SERAC1: variants seen among roughly 807,000 people sequenced by gnomAD.
SERAC1 encodes serine active site containing 1.
In SERAC1, 36 loss-of-function variants were observed where a neutral mutation model predicts 85.7. The ratio of observed to expected loss-of-function variants is 0.42; its 90% CI spans 0.32 to 0.55. SERAC1 has a LOEUF of 0.55. SERAC1 is among the 20% of genes least tolerant of loss of function. The pLI is 0.11. For missense variants in SERAC1, 629 were observed against 796.2 expected, an observed-to-expected ratio of 0.79 and a Z score of 2.53; for synonymous variants, 242 against 265.3, an observed-to-expected ratio of 0.91 and a Z score of 0.85.
In SERAC1 at chr6:158,116,302, C is replaced by G. The variant is rs1237642780; in HGVS notation, c.1404-20G>C. The G allele has an allele frequency of 6.3e-7, 1 of 1,592,154 alleles. No individual in the cohort carries two copies. The highest frequency in any genetic ancestry group is 8.6e-7 in the Non-Finnish European group (1 of 1,160,410). Reference sequence around the variant, plus strand: ...GACTTTCTGAACAAAACAAAAACAGCAGGCATGACACAAGGCTATCGATCC... The same window carrying G: ...GACTTTCTGAACAAAACAAAAACAGGAGGCATGACACAAGGCTATCGATCC... On this transcript the variant is annotated intron_variant, in intron 13 of 16. Coordinates refer to ENST00000647468, the MANE Select transcript of SERAC1 (RefSeq NM_032861.4).
In SERAC1 at chr6:158,111,222, A is replaced by G; in HGVS notation, c.*144T>C. On this transcript the variant is annotated 3_prime_UTR_variant, in exon 17 of 17. Coordinates refer to ENST00000647468, the MANE Select transcript of SERAC1 (RefSeq NM_032861.4). ...CTTTACAGCGCTTGAAGGGAGAACA[A>G]TGTTCTGTAGTCTGCAACACACTCC... The G allele has an allele frequency of 4.0e-6, 3 of 742,546 alleles. No individual in the cohort carries two copies. Among genetic ancestry groups the G allele is most frequent in the South Asian group, 5.1e-5 (2 of 39,152 alleles). The allele number at this position is 742,546 out of a possible 1,614,324, so 46.0% of individuals were successfully genotyped here.
At position 158,150,746 on chromosome 6, in the gene SERAC1, T is replaced by C. The variant is rs73794523; in HGVS notation, c.129-157A>G. On this transcript the variant is annotated intron_variant, in intron 3 of 16. Coordinates refer to ENST00000647468, the MANE Select transcript of SERAC1 (RefSeq NM_032861.4). Reference sequence around the variant, plus strand: ...CATATAACATTTATACAGTCATGTATCACATACTGACTTTTTGTTCAAGGA... The same window carrying C: ...CATATAACATTTATACAGTCATGTACCACATACTGACTTTTTGTTCAAGGA... Among the ~76,000 whole-genome samples, 5,283 of 152,294 alleles carry C rather than the reference T, an allele frequency of 0.035. 295 individuals are homozygous for C. Among genetic ancestry groups the C allele is most frequent in the African/African-American group, 0.12 (4,984 of 41,542 alleles).
Position 158,146,815 on chromosome 6 carries a change from C to A in SERAC1, c.454G>T (p.Val152Leu). ...TGATGGGTCTCCGACATTTCCCGCACAGCCTCGAGTCGCGTGGTTTTGTCA... is the reference window on the plus strand; with the variant it reads ...TGATGGGTCTCCGACATTTCCCGCAAAGCCTCGAGTCGCGTGGTTTTGTCA... ...SDDKTTRLEA[V>L]REMSETHHWH... The change falls in exon 6 of 17, where the codon GTG becomes TTG. Residue 152 changes from valine (V) to leucine (L), a missense_variant. Coordinates refer to ENST00000647468, the MANE Select transcript of SERAC1 (RefSeq NM_032861.4). 6.2e-7 allele frequency: 1 copy of A among 1,613,992 alleles called. No homozygotes were observed. The highest frequency in any genetic ancestry group is 8.5e-7 in the Non-Finnish European group (1 of 1,179,932).
chr6:158,140,611 A>C (rs1324816808), intron 8 of SERAC1, among the ~76,000 whole-genome samples: 1 of 152,198 alleles, frequency 6.6e-6, no homozygotes, highest in Admixed American at 6.5e-5. Context: ...TAAATTAATC[A>C]AACCCAAGGT....
Position 158,114,243 on chromosome 6 carries a change from A to G in SERAC1, c.1684+546T>C, listed in dbSNP as rs549500593. Among the ~76,000 whole-genome samples, 15 of 152,358 alleles carry G rather than the reference A, an allele frequency of 9.8e-5. No homozygotes were observed. In the South Asian group the frequency reaches 1.4e-3, roughly 15 times the overall value. On this transcript the variant is annotated intron_variant, in intron 15 of 16. Transcript: ENST00000647468. ...AAACACAATCTGACTCCACGAAAGG[A>G]AAGTCCAACAGAAGGTTTAGAAGAA...
At chr6:158,122,381 T>A (rs992156990) in intron 10 of SERAC1, among the ~76,000 whole-genome samples, 1 of 152,220 alleles carries the variant, frequency 6.6e-6, no homozygotes, top group Non-Finnish European at 1.5e-5. Flanking sequence ...AAGTCTTGCT[T>A]TAGTACTCCC....
At chr6:158,126,954 G>A (rs1344443081) in intron 10 of SERAC1, among the ~76,000 whole-genome samples, 1 of 152,010 alleles carries the variant, frequency 6.6e-6, no homozygotes, top group South Asian at 2.1e-4. Flanking sequence ...TCGGGAGGCT[G>A]AGGTGGGAGG....
intron 1 of SERAC1, chr6:158,159,261 T>C (rs760597834): frequency 2.6e-5 from 4 of 152,030 alleles, no homozygotes; most frequent in Non-Finnish European, 5.9e-5. Context: ...CCCAGCACAT[T>C]GGGAGGCTGA....
chr6:158,115,711 C>A (rs1784271291), intron 14 of SERAC1, among the ~76,000 whole-genome samples: 1 of 152,172 alleles, frequency 6.6e-6, no homozygotes, highest in Non-Finnish European at 1.5e-5. Context: ...CAAGAACAGA[C>A]ACTTGATCAC....
chr6:158,124,519 A>G (rs911520606), intron 10 of SERAC1, among the ~76,000 whole-genome samples: 3 of 152,152 alleles, frequency 2.0e-5, no homozygotes, highest in Non-Finnish European at 1.5e-5. Context: ...ACAAAAAATG[A>G]TATGTATAAG....
At chr6:158,148,493 A>C (rs1785124174) in intron 5 of SERAC1, among the ~76,000 whole-genome samples, 2 of 152,092 alleles carry the variant, frequency 1.3e-5, no homozygotes, top group African/African-American at 2.4e-5. Context: ...CCCAGGCTGG[A>C]GTGCAGTGGC....
chr6:158,146,950 TTAAGA>T (rs772743046), intron 5 of SERAC1, 37 bp from the exon 6 acceptor site: 17 of 1,602,006 alleles, frequency 1.1e-5, no homozygotes, highest in East Asian at 4.5e-5. Context: ...ATGTGAAAAG[TTAAGA>T]TAATACTTTT....
intron 1 of SERAC1, chr6:158,159,051 C>A (rs1439239347): frequency 6.6e-6 from 1 of 151,384 alleles, no homozygotes; most frequent in Non-Finnish European, 1.5e-5. Flanking sequence ...TTTTCTTTTT[C>A]CTTTTGCTAT....
intron 10 of SERAC1, among the ~76,000 whole-genome samples, chr6:158,124,548 C>A (rs1784492078): frequency 6.6e-6 from 1 of 152,020 alleles, no homozygotes; most frequent in African/African-American, 2.4e-5. Context: ...TATGTTAATT[C>A]TCTCAGTTCA....
chr6:158,156,179 A>G (rs1009311480), intron 2 of SERAC1, among the ~76,000 whole-genome samples: 1 of 152,192 alleles, frequency 6.6e-6, no homozygotes, highest in Non-Finnish European at 1.5e-5. Context: ...AATACAGATT[A>G]TATTCTACAA....
rs1562435423 is a variant in SERAC1 at position 158,119,936 on chromosome 6, G to C, written c.1166+489C>G. Among the ~76,000 whole-genome samples, 1 of 152,170 alleles carries C rather than the reference G, an allele frequency of 6.6e-6. No individual in the cohort carries two copies. The highest frequency in any genetic ancestry group is 1.5e-5 in the Non-Finnish European group (1 of 68,026). On this transcript the variant is annotated intron_variant, in intron 11 of 16. Transcript: ENST00000647468. The surrounding 1 kb of genome is among the most constrained non-coding windows in gnomAD (Gnocchi z 4.5). ...CACAAATAACCTTAAGAAGGGGCAT[G>C]AGTCAAACTTATTACAACTTATTCT...
rs765083651 is a variant in SERAC1 at position 158,120,480 on chromosome 6, C to G, written c.1111G>C (p.Val371Leu). ...ACGCCATCCTGATATTTTTCTTGCA[C>G]AGTTTCTCGGTCTAGATTTGCCAGG... Reference protein sequence around the residue: ...RILANLDRETVQEKYQDGVYV... With the variant: ...RILANLDRETLQEKYQDGVYV... The change falls in exon 11 of 17, where the codon GTG becomes CTG. Residue 371 changes from valine to leucine, a missense_variant. Coordinates refer to ENST00000647468, the MANE Select transcript of SERAC1 (RefSeq NM_032861.4). This position sits in a 1 kb window ranked among gnomAD's most constrained non-coding sequence, Gnocchi z 4.4. The G allele has an allele frequency of 5.0e-6, 8 of 1,614,024 alleles. No homozygotes were observed. Among genetic ancestry groups the G allele is most frequent in the Non-Finnish European group, 6.8e-6 (8 of 1,179,974 alleles).
intron 6 of SERAC1, 124 bp downstream of exon 6, chr6:158,146,658 G>C (rs769725958): frequency 9.1e-5 from 107 of 1,173,004 alleles, no homozygotes; most frequent in Non-Finnish European, 1.2e-4. Flanking sequence ...GATCCAACCA[G>C]CGTGGCCTCC....
chr6:158,128,264 T>G lies in SERAC1; in HGVS notation c.859A>C (p.Thr287Pro). 6.2e-7 allele frequency: 1 copy of G among 1,613,540 alleles called. No individual in the cohort carries two copies. The highest frequency in any genetic ancestry group is 1.7e-4 in the Middle Eastern group (1 of 6,060). ...TTTGCTTCGATTTTATCACAATGTG[T>G]GGATATCTGGCACAATAAATAAACA... ...EAIVKHSEISTHCDKIEANGG... is the reference protein window; with the variant it reads ...EAIVKHSEISPHCDKIEANGG... The change falls in exon 10 of 17, where the codon ACA (threonine) becomes CCA (proline). Residue 287 changes from threonine to proline, a missense_variant. Thr to Pro is a conservative substitution (Grantham distance 38, BLOSUM62 -1). Coordinates refer to ENST00000647468, the MANE Select transcript of SERAC1 (RefSeq NM_032861.4).
Sources: gnomAD v4.1 joint callset for allele counts (sites outside exome capture counted in the v4.1 genomes callset) on GRCh38, gnomAD v4.1.1 for gene constraint, Gnocchi (gnomAD v3.1) non-coding constraint, MANE v1.5 for transcripts, NCBI Gene and HGNC (gene_info 2026-07-23, HGNC 2026-07-21) for gene names.